The following PIGZ variants were observed in gnomAD, a reference collection of about 807,000 sequenced individuals.
The protein encoded by PIGZ is phosphatidylinositol glycan anchor biosynthesis class Z (Gwada blood group).
A neutral mutation model predicts 16.4 loss-of-function variants in PIGZ; 16 were observed. The ratio of observed to expected loss-of-function variants is 0.97; its 90% CI spans 0.66 to 1.48. The LOEUF (loss-of-function observed/expected upper bound fraction) is 1.48, where lower values mean the gene tolerates loss of function less well. PIGZ is among the 40% of genes most tolerant of loss of function. The pLI is 0.00. For missense variants in PIGZ, 770 were observed against 739.2 expected, an observed-to-expected ratio of 1.04 and a Z score of -0.48; for synonymous variants, 409 against 338.4, an observed-to-expected ratio of 1.21 and a Z score of -2.29.
chr3:196,951,293 C>T (rs1717271824), intron 2 of PIGZ, among the ~76,000 whole-genome samples: 1 of 152,206 alleles, frequency 6.6e-6, no homozygotes, highest in East Asian at 1.9e-4. Flanking sequence ...GATGACCCCA[C>T]ATGCCCATCA....
At chr3:196,955,214 C>T (rs889943243) in intron 1 of PIGZ, among the ~76,000 whole-genome samples, 1 of 152,206 alleles carries the variant, frequency 6.6e-6, no homozygotes, top group Non-Finnish European at 1.5e-5. Flanking sequence ...GCATGAGCCA[C>T]CTTGCCTGGC....
At position 196,947,300 on chromosome 3, in the gene PIGZ, T is replaced by C. The variant is rs1471075779; in HGVS notation, c.1597A>G (p.Lys533Glu). Reference sequence around the variant, plus strand: ...TCATTCTTGAAGGGGAAGCTGCACTTCTCCACGGCACGCCTGGTGGTGCCA... The same window carrying C: ...TCATTCTTGAAGGGGAAGCTGCACTCCTCCACGGCACGCCTGGTGGTGCCA... ...TPGTTRRAVE[K>E]CSFPFKNETL... is the part of the protein sequence containing the mutation. Residue 533 changes from lysine (K) to glutamate (E), a missense_variant, in exon 3 of 3, where the codon AAG becomes GAG. Transcript: ENST00000412723. 6.2e-7 allele frequency: 1 copy of C among 1,614,120 alleles called. No homozygotes were observed.
At chr3:196,967,464 T>A (rs1252851428) in intron 1 of PIGZ, among the ~76,000 whole-genome samples, 1 of 152,162 alleles carries the variant, frequency 6.6e-6, no homozygotes, top group Non-Finnish European at 1.5e-5. Context: ...TTTGTCTGAA[T>A]CTGGCATTTG....
chr3:196,964,107 G>C (rs1027416134), intron 1 of PIGZ, among the ~76,000 whole-genome samples: 1 of 151,916 alleles, frequency 6.6e-6, no homozygotes, highest in Non-Finnish European at 1.5e-5. Context: ...CTGGAGTGCA[G>C]TGGTGCAATC....
Position 196,947,392 on chromosome 3 carries a change from A to T in PIGZ, c.1505T>A (p.Phe502Tyr). The T allele has an allele frequency of 6.2e-7, 1 of 1,614,022 alleles. No individual in the cohort carries two copies. The highest frequency in any genetic ancestry group is 8.5e-7 in the Non-Finnish European group (1 of 1,180,028). The change falls in exon 3 of 3, where the codon TTC becomes TAC. Residue 502 changes from phenylalanine (F) to tyrosine (Y), a missense_variant. Transcript: ENST00000412723. Reference sequence around the variant, plus strand: ...CACTTGGCAGGCTGGTTGTCTGGTGAAGCTTTTCAGGGTTTGGCACAGGGC... The same window carrying T: ...CACTTGGCAGGCTGGTTGTCTGGTGTAGCTTTTCAGGGTTTGGCACAGGGC... ...DWALCQTLKS[F>Y]TRQPACQVAG...
In PIGZ at chr3:196,948,859, CT is replaced by C. The variant is rs1278360967; in HGVS notation, c.212-175del. Among the ~76,000 whole-genome samples, 15 of 116,872 alleles carry C rather than the reference CT, an allele frequency of 1.3e-4. 2 individuals carry two copies. Among genetic ancestry groups the C allele is most frequent in the South Asian group, 5.6e-4 (2 of 3,566 alleles). The allele number at this position is 116,872 out of a possible 152,430, so 76.7% of individuals were successfully genotyped here. On this transcript the variant is annotated intron_variant, in intron 2 of 2. Coordinates refer to ENST00000412723, the MANE Select transcript of PIGZ (RefSeq NM_025163.4). Reference sequence around the variant, plus strand: ...CCTCCCTCTCTCCCTCCTTCTTTCCCTTCCTTCCCTTCCTTCCTTCCCTTCC... The same window carrying C: ...CCTCCCTCTCTCCCTCCTTCTTTCCCTCCTTCCCTTCCTTCCTTCCCTTCC...
chr3:196,949,728 T>C (rs7638251), intron 2 of PIGZ, among the ~76,000 whole-genome samples: 32,801 of 151,986 alleles, frequency 0.22, 4,108 homozygotes, highest in African/African-American at 0.35. Context: ...CAGGAGGGGC[T>C]TCCCCGGGAG....
chr3:196,947,769 C>T lies in PIGZ; in HGVS notation c.1128G>A (p.Met376Ile), dbSNP rs749437107. The change falls in exon 3 of 3, where the codon ATG becomes ATA. Residue 376 changes from methionine (M) to isoleucine (I), a missense_variant. Met to Ile is a conservative substitution (Grantham distance 10). Transcript: ENST00000412723. ...PRSYLLLLYFMPLALLSAFSH... is the reference protein window; with the variant it reads ...PRSYLLLLYFIPLALLSAFSH... ...TAAAGGCAGATAGCAGGGCCAGAGG[C>T]ATGAAGTAGAGGAGAAGGAGATAGG... 5 of 1,610,456 alleles carry T rather than the reference C, an allele frequency of 3.1e-6. No homozygotes were observed. In the East Asian group the frequency reaches 8.9e-5, roughly 29 times the overall value.
intron 1 of PIGZ, among the ~76,000 whole-genome samples, chr3:196,958,159 T>C (rs1717571555): frequency 1.3e-5 from 2 of 152,264 alleles, no homozygotes; most frequent in South Asian, 4.1e-4. Flanking sequence ...ATTTTAGTTA[T>C]TTTCAGCACT....
intron 2 of PIGZ, among the ~76,000 whole-genome samples, chr3:196,949,998 T>C (rs547838651): frequency 3.9e-4 from 59 of 152,204 alleles, no homozygotes; most frequent in African/African-American, 1.4e-3. Context: ...TAAATTTTTT[T>C]TTTTTTAGAC....
At position 196,965,422 on chromosome 3, in the gene PIGZ, T is replaced by C. The variant is rs1177632049; in HGVS notation, c.-1+3265A>G. 6.6e-6 allele frequency among the ~76,000 whole-genome samples: 1 copy of C among 152,092 alleles called. No homozygotes were observed. Among genetic ancestry groups the C allele is most frequent in the African/African-American group, 2.4e-5 (1 of 41,404 alleles). On this transcript the variant is annotated intron_variant, in intron 1 of 2. Transcript: ENST00000412723. The surrounding 1 kb of genome is among the most constrained non-coding windows in gnomAD (Gnocchi z 4.2). ...CATGATCCGATCCTCTCCCACCGGGTCTTTCCCTCAACACTTGGGGATTAC... is the reference window on the plus strand; with the variant it reads ...CATGATCCGATCCTCTCCCACCGGGCCTTTCCCTCAACACTTGGGGATTAC...
intron 1 of PIGZ, among the ~76,000 whole-genome samples, chr3:196,959,941 T>C (rs1427785168): frequency 6.6e-6 from 1 of 152,240 alleles, no homozygotes; most frequent in Non-Finnish European, 1.5e-5. Flanking sequence ...AGAAAGCAGA[T>C]GTGAGACAGG....
Position 196,946,949 on chromosome 3 carries a change from C to T in PIGZ, c.*208G>A, listed in dbSNP as rs564070656. ...TCTTTGGGGACCTTGACATCAAGACCGACAGGTCAAATCTTTGGTCTCAGG... is the reference window on the plus strand; with the variant it reads ...TCTTTGGGGACCTTGACATCAAGACTGACAGGTCAAATCTTTGGTCTCAGG... On this transcript the variant is annotated 3_prime_UTR_variant, in exon 3 of 3. Coordinates refer to ENST00000412723, the MANE Select transcript of PIGZ (RefSeq NM_025163.4). The T allele has an allele frequency of 1.1e-4, 55 of 500,122 alleles. No homozygotes were observed. The highest frequency in any genetic ancestry group is 3.4e-4 in the Admixed American group (9 of 26,586). 31.0% of individuals were successfully genotyped at this position (500,122 alleles called of 1,614,324 possible). A position where few individuals can be genotyped will look rare whatever the true frequency, so the allele number is the denominator to read the frequency against.
rs575356122 is a variant in PIGZ at position 196,958,648 on chromosome 3, AAAAC to A, written c.1-6621_1-6618del. Among the ~76,000 whole-genome samples, 713 of 152,310 alleles carry A rather than the reference AAAAC, an allele frequency of 4.7e-3. 11 individuals are homozygous for A. Among genetic ancestry groups the A allele is most frequent in the African/African-American group, 0.016 (685 of 41,558 alleles). On this transcript the variant is annotated intron_variant, in intron 1 of 2. Transcript: ENST00000412723. Reference sequence around the variant, plus strand: ...CTTCGTCAAAAACAAAAAACAACAAAAAACAAACAAACAAAAAACACTGTTAACA... The same window carrying A: ...CTTCGTCAAAAACAAAAAACAACAAAAAACAAACAAAAAACACTGTTAACA...
Position 196,947,872 on chromosome 3 carries a change from T to G in PIGZ, c.1025A>C (p.Gln342Pro). Residue 342 changes from glutamine (Q) to proline (P), a missense_variant, in exon 3 of 3, where the codon CAA becomes CCA. Physicochemically the swap from Gln to Pro is moderately conservative, Grantham distance 76 (BLOSUM62 -1). Transcript: ENST00000412723. ...QALQAAWQRL[Q>P]VGLQASAQMG... The stretch of plus-strand genomic sequence containing the variant: ...TTGTGCAGAGGCCTGGAGGCCGACT[T>G]GCAGCCGTTGCCACGCAGCCTGCAG... 1 of 1,613,912 alleles carries G rather than the reference T, an allele frequency of 6.2e-7. No homozygotes were observed. Among genetic ancestry groups the G allele is most frequent in the Non-Finnish European group, 8.5e-7 (1 of 1,179,856 alleles).
At chr3:196,960,500 T>C (rs1179030830) in intron 1 of PIGZ, among the ~76,000 whole-genome samples, 1 of 151,966 alleles carries the variant, frequency 6.6e-6, no homozygotes, top group Non-Finnish European at 1.5e-5. Context: ...GGTGAAACCC[T>C]GTCTCTACTA....
At chr3:196,949,884 CTGATAA>C (rs1325500761) in intron 2 of PIGZ, among the ~76,000 whole-genome samples, 3 of 151,984 alleles carry the variant, frequency 2.0e-5, no homozygotes, top group African/African-American at 7.3e-5. Flanking sequence ...AGCCGCATCT[CTGATAA>C]TGATTGTTAT....
rs779107630 is a variant in PIGZ at position 196,951,899 on chromosome 3, G to A, written c.133C>T (p.Arg45Ter). ...TGCGGAAGGAGACACCACAGCACTC[G>A]GAGCAGGCTGAGACCACCCCAAAGC... ...RVLWGGLSLL[R>*]VLWCLLPQTG... The change falls in exon 2 of 3, where the codon CGA (arginine) becomes TGA (stop). Residue 45 changes from arginine to a stop codon, truncating the protein, a stop_gained. Transcript: ENST00000412723. LOFTEE classifies it high-confidence loss of function. The A allele has an allele frequency of 2.2e-5, 35 of 1,614,106 alleles. 1 individual carries two copies. The highest frequency in any genetic ancestry group is 4.5e-5 in the East Asian group (2 of 44,892).
At chr3:196,957,731 C>T (rs553693495) in intron 1 of PIGZ, among the ~76,000 whole-genome samples, 1 of 152,258 alleles carries the variant, frequency 6.6e-6, no homozygotes, top group African/African-American at 2.4e-5. Context: ...TCCAGAGTCA[C>T]AGTTTTGCGG....
Sources: gnomAD v4.1 joint callset for allele counts (sites outside exome capture counted in the v4.1 genomes callset) on GRCh38, gnomAD v4.1.1 for gene constraint, Gnocchi (gnomAD v3.1) non-coding constraint, MANE v1.5 for transcripts, NCBI Gene and HGNC (gene_info 2026-07-23, HGNC 2026-07-21) for gene names.